The following ARHGAP42 variants were observed in gnomAD, a reference collection of about 807,000 sequenced individuals.
ARHGAP42 encodes rho GTPase-activating protein 42.
ARHGAP42 carries 63 observed loss-of-function variants against 125.0 expected under a neutral mutation model. The ratio of observed to expected loss-of-function variants is 0.50; its 90% CI spans 0.41 to 0.62. The LOEUF (loss-of-function observed/expected upper bound fraction) is 0.62, where lower values mean the gene tolerates loss of function less well. Ranked by LOEUF, ARHGAP42 falls within the 20% of genes least tolerant of loss-of-function variation. The pLI is 0.00. For synonymous variants in ARHGAP42, 339 were observed against 351.0 expected, an observed-to-expected ratio of 0.97 and a Z score of 0.38; for missense variants, 766 against 1,024.2, an observed-to-expected ratio of 0.75 and a Z score of 3.44.
intron 4 of ARHGAP42, among the ~76,000 whole-genome samples, chr11:100,875,757 G>A (rs936338531): frequency 6.6e-5 from 7 of 105,668 alleles, no homozygotes; most frequent in Non-Finnish European, 1.5e-4. Flanking sequence ...CACGTCCAGG[G>A]TGGCGGGGGG....
At chr11:100,875,097 CTCTCTCTCTCTGTGTGTG>C (rs1565253547) in intron 4 of ARHGAP42, among the ~76,000 whole-genome samples, 5 of 95,050 alleles carry the variant, frequency 5.3e-5, no homozygotes, top group Non-Finnish European at 2.2e-5. Context: ...CTCTCTCTCT[CTCTCTCTCTCTGTGTGTG>C]TGTGTGTGTG....
chr11:100,936,268 T>C lies in ARHGAP42; in HGVS notation c.768T>C (p.Ala256=), dbSNP rs2135264974. The C allele has an allele frequency of 6.4e-7, 1 of 1,551,656 alleles. No homozygotes were observed. The highest frequency in any genetic ancestry group is 8.7e-7 in the Non-Finnish European group (1 of 1,146,932). ...GGTTGATGCAAAGGATGAAATCTGC[T>C]AACCAGGACTACAGACCACCCAGCC... The part of the protein sequence containing the change: ...VERLMQRMKS[A]NQDYRPPSQW... Residue 256 remains alanine, a synonymous_variant, in exon 8 of 24, where the codon GCT becomes GCC. Coordinates refer to ENST00000298815, the MANE Select transcript of ARHGAP42 (RefSeq NM_152432.4).
At chr11:100,961,092 ATATT>A (rs1857941560) in intron 14 of ARHGAP42, 103 bp downstream of exon 14, 3 of 721,580 alleles carry the variant, frequency 4.2e-6, no homozygotes, top group African/African-American at 1.8e-5. Flanking sequence ...TTTTCAAATA[ATATT>A]TAAAGTTCAT....
chr11:100,687,787 A>T lies in ARHGAP42; in HGVS notation c.109A>T (p.Lys37Ter). ...IELERTNKFI[K>*]ELIKDGSLLI... is the part of the protein sequence containing the mutation. ...GCTGGAGCGAACCAACAAGTTCATC[A>T]AGGAGCTCATTAAGGACGGCTCTCT... Residue 37 changes from lysine (K) to a stop codon, truncating the protein, a stop_gained, in exon 1 of 24, where the codon AAG becomes TAG. Coordinates refer to ENST00000298815, the MANE Select transcript of ARHGAP42 (RefSeq NM_152432.4). LOFTEE classifies it high-confidence loss of function. 2 of 1,550,968 alleles carry T rather than the reference A, an allele frequency of 1.3e-6. No individual in the cohort carries two copies. Among genetic ancestry groups the T allele is most frequent in the Non-Finnish European group, 1.7e-6 (2 of 1,146,584 alleles).
chr11:100,829,392 A>G (rs1864609576), intron 3 of ARHGAP42, among the ~76,000 whole-genome samples: 1 of 152,162 alleles, frequency 6.6e-6, no homozygotes, highest in Non-Finnish European at 1.5e-5. Flanking sequence ...AAGACTTTCA[A>G]GAACCTCACC....
chr11:100,696,447 G>A (rs993470087), intron 1 of ARHGAP42, among the ~76,000 whole-genome samples: 2 of 150,896 alleles, frequency 1.3e-5, no homozygotes, highest in East Asian at 3.9e-4. Flanking sequence ...TCCGCCTCCC[G>A]GGTTCAAGCA....
Position 100,976,289 on chromosome 11 carries a change from T to C in ARHGAP42, c.2088T>C (p.Asp696=), listed in dbSNP as rs1303934989. ...SSSREDATKT[D]AESDCQSVAS... Reference sequence around the variant, plus strand: ...CCAGAGAAGATGCAACCAAGACAGATGCAGAATCAGACTGCCAGAGTGTTG... The same window carrying C: ...CCAGAGAAGATGCAACCAAGACAGACGCAGAATCAGACTGCCAGAGTGTTG... The change falls in exon 20 of 24, where the codon GAT becomes GAC. Residue 696 remains aspartate, a synonymous_variant. Transcript: ENST00000298815. The C allele has an allele frequency of 6.4e-7, 1 of 1,551,734 alleles. No homozygotes were observed. The highest frequency in any genetic ancestry group is 1.2e-5 in the South Asian group (1 of 84,046).
intron 22 of ARHGAP42, among the ~76,000 whole-genome samples, chr11:100,985,374 CT>C (rs1222625389): frequency 6.6e-6 from 1 of 151,758 alleles, no homozygotes; most frequent in Non-Finnish European, 1.5e-5. Flanking sequence ...AAAATATTTC[CT>C]TTTTTTTAGG....
At chr11:100,890,570 A>G (rs1330253218) in intron 4 of ARHGAP42, among the ~76,000 whole-genome samples, 1 of 152,200 alleles carries the variant, frequency 6.6e-6, no homozygotes, top group Non-Finnish European at 1.5e-5. Flanking sequence ...TTGGAATCAG[A>G]CTGCTTGACT....
intron 6 of ARHGAP42, among the ~76,000 whole-genome samples, chr11:100,927,574 GTGTT>G (rs959532258): frequency 1.3e-5 from 2 of 151,644 alleles, no homozygotes; most frequent in Non-Finnish European, 2.9e-5. Context: ...TGCATCCTAT[GTGTT>G]TGGTAGAAAT....
At chr11:100,842,585 C>A (rs1051361210) in intron 3 of ARHGAP42, among the ~76,000 whole-genome samples, 2 of 151,904 alleles carry the variant, frequency 1.3e-5, no homozygotes, top group Admixed American at 6.6e-5. Flanking sequence ...TGAAAGAAGG[C>A]GTAGAAATCA....
Position 100,905,195 on chromosome 11 carries a change from A to C in ARHGAP42, c.385-8257A>C, listed in dbSNP as rs529408457. 4.6e-5 allele frequency among the ~76,000 whole-genome samples: 7 copies of C among 152,336 alleles called. No individual in the cohort carries two copies. The East Asian group carries it at 1.3e-3, about 29-fold the overall frequency. ...AAATCAATTATTGAAGAATTTAACA[A>C]TGCCTAAGATTGAAAAAGGAAAGTG... is the stretch of plus-strand genomic sequence containing the variant. On this transcript the variant is annotated intron_variant, in intron 4 of 23. Coordinates refer to ENST00000298815, the MANE Select transcript of ARHGAP42 (RefSeq NM_152432.4).
At chr11:100,712,411 G>C (rs1174221529) in intron 1 of ARHGAP42, among the ~76,000 whole-genome samples, 1 of 152,134 alleles carries the variant, frequency 6.6e-6, no homozygotes, top group Admixed American at 6.6e-5. Context: ...ACATGCTACT[G>C]TTATTATATG....
At chr11:100,857,994 C>G (rs1486163429) in intron 3 of ARHGAP42, among the ~76,000 whole-genome samples, 1 of 151,870 alleles carries the variant, frequency 6.6e-6, no homozygotes, top group African/African-American at 2.4e-5. Flanking sequence ...CCAAGTTACA[C>G]TAAAGTACTT....
Position 100,693,940 on chromosome 11 carries a change from C to CTT in ARHGAP42, c.154+6119_154+6120dup, listed in dbSNP as rs199994515. 1.4e-3 allele frequency among the ~76,000 whole-genome samples: 197 copies of CTT among 145,374 alleles called. 1 individual carries two copies. Among genetic ancestry groups the CTT allele is most frequent in the African/African-American group, 4.6e-3 (185 of 39,852 alleles). On this transcript the variant is annotated intron_variant, in intron 1 of 23. Transcript: ENST00000298815. ...ACATTAGGATTGCTTTCTTTTCTTT[C>CTT]TTTTTTTTTTTTGATGGAGTCTCGC... is the stretch of plus-strand genomic sequence containing the variant.
At position 100,943,734 on chromosome 11, in the gene ARHGAP42, T is replaced by C. The variant is rs186933739; in HGVS notation, c.934-25T>C. 40 of 1,432,742 alleles carry C rather than the reference T, an allele frequency of 2.8e-5. No individual in the cohort carries two copies. The African/African-American group carries it at 5.1e-4, about 18-fold the overall frequency. 88.8% of individuals were successfully genotyped at this position (1,432,742 alleles called of 1,614,324 possible). A position where few individuals can be genotyped will look rare whatever the true frequency, so the allele number is the denominator to read the frequency against. ...TTCAATTCACTTGTCAGCATGTTAA[T>C]ACTGTGGTACTCTTCTTGTTTCAGA... is the stretch of plus-strand genomic sequence containing the variant. On this transcript the variant is annotated intron_variant, in intron 9 of 23. Transcript: ENST00000298815.
intron 1 of ARHGAP42, among the ~76,000 whole-genome samples, chr11:100,732,429 C>T (rs915324514): frequency 1.3e-5 from 2 of 152,146 alleles, no homozygotes; most frequent in Admixed American, 6.5e-5. Context: ...ATGTCTCTAC[C>T]GCTGCAAACT....
intron 22 of ARHGAP42, among the ~76,000 whole-genome samples, chr11:100,981,921 G>C (rs1858554319): frequency 6.6e-6 from 1 of 152,126 alleles, no homozygotes; most frequent in Admixed American, 6.5e-5. Flanking sequence ...AGGAGGAAGG[G>C]AAAATTTTGG....
intron 2 of ARHGAP42, among the ~76,000 whole-genome samples, chr11:100,781,783 C>T (rs1457235685): frequency 6.6e-6 from 1 of 152,242 alleles, no homozygotes; most frequent in East Asian, 1.9e-4. Context: ...GTTGATGTTA[C>T]AACAAACTGC....
Sources: allele counts gnomAD v4.1 joint callset (sites outside exome capture counted in the v4.1 genomes callset), GRCh38; gene constraint gnomAD v4.1.1; transcripts MANE v1.5; gene names NCBI Gene and HGNC (gene_info 2026-07-23, HGNC 2026-07-21).